KIAA1210: variants seen among roughly 807,000 people sequenced by gnomAD.
KIAA1210 encodes the protein acrosomal protein KIAA1210.
In KIAA1210, 48 loss-of-function variants were observed where a neutral mutation model predicts 78.9. That is an observed-to-expected ratio of 0.61 (90% confidence interval 0.48 to 0.77). KIAA1210 has a LOEUF of 0.77. KIAA1210 is among the 30% of genes least tolerant of loss of function. KIAA1210 has a pLI of 0.00. For synonymous variants in KIAA1210, 406 were observed against 404.5 expected, an observed-to-expected ratio of 1.00 and a Z score of -0.04; for missense variants, 1,108 against 1,100.0, an observed-to-expected ratio of 1.01 and a Z score of -0.10.
intron 10 of KIAA1210, among the ~76,000 whole-genome samples, chrX:119,083,452 C>G (rs755161178): frequency 8.9e-6 from 1 of 111,887 alleles, no homozygotes; most frequent in Non-Finnish European, 1.9e-5. Context: ...AGCACTTTAC[C>G]AGCACTTAAC....
intron 8 of KIAA1210, among the ~76,000 whole-genome samples, chrX:119,090,611 T>C (rs1435303017): frequency 9.1e-6 from 1 of 109,678 alleles, no homozygotes; most frequent in Non-Finnish European, 1.9e-5. Context: ...ATAGGAGTTA[T>C]CTGGGAGGCA....
chrX:119,108,036 T>C (rs1927943785), intron 5 of KIAA1210, among the ~76,000 whole-genome samples: 1 of 111,921 alleles, frequency 8.9e-6, no homozygotes, highest in African/African-American at 3.2e-5. Flanking sequence ...CTTGGGGTAA[T>C]GGAAAGATCA....
chrX:119,089,517 C>T lies in KIAA1210; in HGVS notation c.1185G>A (p.Gly395=), dbSNP rs1266105763. The T allele has an allele frequency of 4.1e-6, 5 of 1,209,884 alleles. No individual in the cohort carries two copies. Among genetic ancestry groups the T allele is most frequent in the African/African-American group, 1.7e-5 (1 of 57,155 alleles). ...SEGYGLGDRA[G]SSPTNKTARN... ...TGGCAGTCTTATTGGTAGGTGAAGA[C>T]CCAGCTCTATCGCCCAGGCCATACC... is the stretch of plus-strand genomic sequence containing the variant. Residue 395 remains glycine (G), a synonymous_variant, in exon 9 of 12, where the codon GGG becomes GGA. Transcript: ENST00000691062.
At chrX:119,136,954 T>C (rs2147197429) in intron 2 of KIAA1210, among the ~76,000 whole-genome samples, 1 of 111,597 alleles carries the variant, frequency 9.0e-6, no homozygotes, top group East Asian at 2.8e-4. Flanking sequence ...ATATCCACCA[T>C]CAGAATCCTT....
At chrX:119,096,369 C>T (rs770494928) in intron 7 of KIAA1210, 125 bp downstream of exon 7, 2 of 621,488 alleles carry the variant, frequency 3.2e-6, no homozygotes, top group Non-Finnish European at 4.8e-6. Flanking sequence ...CACCCTTGAC[C>T]TTGCCAAGCT....
chrX:119,128,379 A>G (rs1201224330), upstream of KIAA1210, among the ~76,000 whole-genome samples: 1 of 110,572 alleles, frequency 9.0e-6, no homozygotes, highest in East Asian at 2.9e-4. Flanking sequence ...CATGGGCCTT[A>G]TGTGATGCAA....
chrX:119,123,568 A>T lies in KIAA1210; in HGVS notation c.61+14T>A. On this transcript the variant is annotated intron_variant, in intron 2 of 11. Transcript: ENST00000691062. ...ATCTAATTCTGGTTATCAAAGTTTT[A>T]TTGGGTTACTTACCCTCATCACCGG... 6 of 1,160,623 alleles carry T rather than the reference A, an allele frequency of 5.2e-6. No individual in the cohort carries two copies. The highest frequency in any genetic ancestry group is 7.0e-6 in the Non-Finnish European group (6 of 852,578).
rs1569315021 is a variant in KIAA1210 at position 119,096,487 on chromosome X, G to A, written c.846+7C>T. On this transcript the variant is annotated splice_region_variant and intron_variant, in intron 7 of 11. Coordinates refer to ENST00000691062, the MANE Select transcript of KIAA1210 (RefSeq NM_001394962.1). ...GAGTTTAGTGCCCTGTCTCTTGAAG[G>A]ACTTACAATCACTTGAAGGTTCTTC... The A allele has an allele frequency of 8.3e-7, 1 of 1,199,071 alleles. No individual in the cohort carries two copies. Among genetic ancestry groups the A allele is most frequent in the South Asian group, 1.8e-5 (1 of 55,178 alleles).
chrX:119,095,410 A>T (rs1255657164), intron 7 of KIAA1210, among the ~76,000 whole-genome samples: 1 of 110,641 alleles, frequency 9.0e-6, no homozygotes, highest in African/African-American at 3.3e-5. Context: ...TTTTTTTTTT[A>T]AACGGAGTTT....
chrX:119,123,901 G>T (rs2147190947), intron 1 of KIAA1210, among the ~76,000 whole-genome samples: 1 of 111,375 alleles, frequency 9.0e-6, no homozygotes, highest in African/African-American at 3.3e-5. Context: ...CTTGCTCAGG[G>T]CTGGGAGGAT....
chrX:119,111,293 G>T (rs1186379254), intron 3 of KIAA1210, among the ~76,000 whole-genome samples: 1 of 111,737 alleles, frequency 8.9e-6, no homozygotes, highest in Non-Finnish European at 1.9e-5. Context: ...ATACTATAAA[G>T]ACACATGCAC....
chrX:119,125,735 A>ATATATATTTTTTTT (rs5903546), intron 1 of KIAA1210, among the ~76,000 whole-genome samples: 1 of 15,806 alleles, frequency 6.3e-5, no homozygotes, highest in African/African-American at 2.6e-4. Context: ...ATATATATAT[A>ATATATATTTTTTTT]TTTTTTTTTT....
chrX:119,094,746 A>G (rs747947690), intron 7 of KIAA1210, among the ~76,000 whole-genome samples: 48 of 111,481 alleles, frequency 4.3e-4, no homozygotes, highest in Non-Finnish European at 8.9e-4. Flanking sequence ...GATCTTTTTT[A>G]TGTTCATCCA....
intron 3 of KIAA1210, among the ~76,000 whole-genome samples, chrX:119,113,612 T>C (rs1928153413): frequency 9.0e-6 from 1 of 111,588 alleles, no homozygotes; most frequent in Non-Finnish European, 1.9e-5. Context: ...TAAAATTGGG[T>C]AATAGTGATA....
chrX:119,142,774 CA>C (rs11439597), intron 2 of KIAA1210, among the ~76,000 whole-genome samples: 571 of 38,761 alleles, frequency 0.015, 7 homozygotes, highest in African/African-American at 0.057. Context: ...GACTCCATCT[CA>C]AAAAAAAAAA....
At chrX:119,129,212 A>C (rs1487886391), upstream of KIAA1210, among the ~76,000 whole-genome samples, 2 of 110,939 alleles carry the variant, frequency 1.8e-5, no homozygotes, top group Non-Finnish European at 3.8e-5. Flanking sequence ...CAGGCACTCA[A>C]TAAACGTTTG....
At chrX:119,137,598 C>T (rs768696947) in intron 2 of KIAA1210, among the ~76,000 whole-genome samples, 8 of 112,920 alleles carry the variant, frequency 7.1e-5, no homozygotes, top group Non-Finnish European at 1.1e-4. Flanking sequence ...CAACCCATGG[C>T]TCCTGTGCCG....
intron 5 of KIAA1210, among the ~76,000 whole-genome samples, chrX:119,105,406 C>G (rs1329649837): frequency 4.5e-5 from 5 of 112,247 alleles, no homozygotes; most frequent in African/African-American, 1.6e-4. Context: ...CAAACAAAGA[C>G]AGAAACTTCA....
At chrX:119,110,900 C>A (rs1356509562) in intron 3 of KIAA1210, among the ~76,000 whole-genome samples, 1 of 107,143 alleles carries the variant, frequency 9.3e-6, no homozygotes, top group Non-Finnish European at 1.9e-5. Flanking sequence ...AATGCAATAG[C>A]TATTGAATTT....
Sources: allele counts gnomAD v4.1 joint callset (sites outside exome capture counted in the v4.1 genomes callset), GRCh38; gene constraint gnomAD v4.1.1; transcripts MANE v1.5; gene names NCBI Gene and HGNC (gene_info 2026-07-23, HGNC 2026-07-21).